FARP1: variants seen among roughly 807,000 people sequenced by gnomAD.
FARP1 encodes FERM, ARHGEF and pleckstrin domain-containing protein 1.
A neutral mutation model predicts 128.8 loss-of-function variants in FARP1; 52 were observed. That is an observed-to-expected ratio of 0.40 (90% CI 0.32 to 0.51). The LOEUF (loss-of-function observed/expected upper bound fraction) is 0.51. Ranked by LOEUF, FARP1 falls within the 20% of genes least tolerant of loss-of-function variation. The probability of loss-of-function intolerance (pLI) is 0.45; values close to 1 mark genes in which losing one functional copy is unlikely to be tolerated. For synonymous variants in FARP1, 580 were observed against 551.8 expected (o/e 1.05, Z -0.72); for missense variants, 1,333 against 1,367.9 (o/e 0.97, Z 0.40).
At chr13:98,185,644 T>C (rs1035853797) in intron 1 of FARP1, among the ~76,000 whole-genome samples, 32 of 96,926 alleles carry the variant, frequency 3.3e-4, no homozygotes, top group African/African-American at 9.9e-4. Context: ...TTCTGATAAT[T>C]AGTTTTTTTT....
At chr13:98,421,781 A>G (rs1891603355) in intron 16 of FARP1, among the ~76,000 whole-genome samples, 1 of 152,056 alleles carries the variant, frequency 6.6e-6, no homozygotes, top group South Asian at 2.1e-4. Flanking sequence ...TGAGACCAGG[A>G]GTTGGAGGCT....
chr13:98,312,593 C>A (rs998502192), intron 2 of FARP1, among the ~76,000 whole-genome samples: 3 of 152,110 alleles, frequency 2.0e-5, no homozygotes, highest in African/African-American at 7.2e-5. Flanking sequence ...CTTCCCCCCC[C>A]ACCGGAAAAG....
At chr13:98,447,848 A>G (rs1285834030) in intron 26 of FARP1, 1 of 206,918 alleles carries the variant, frequency 4.8e-6, no homozygotes, top group Non-Finnish European at 9.8e-6. Flanking sequence ...CTGTCTCAAA[A>G]AAAAAAGAAA....
At chr13:98,356,308 G>A (rs1888638962) in intron 3 of FARP1, among the ~76,000 whole-genome samples, 1 of 152,072 alleles carries the variant, frequency 6.6e-6, no homozygotes, top group Non-Finnish European at 1.5e-5. Flanking sequence ...ACAAACAGGT[G>A]GTGTAAGTAC....
intron 1 of FARP1, among the ~76,000 whole-genome samples, chr13:98,209,128 C>G (rs1223574025): frequency 6.6e-6 from 1 of 152,176 alleles, no homozygotes; most frequent in Non-Finnish European, 1.5e-5. Flanking sequence ...CCTGCCTCAG[C>G]CTCCCGAGTA....
chr13:98,436,776 C>T (rs1490031746), intron 19 of FARP1, among the ~76,000 whole-genome samples: 1 of 152,216 alleles, frequency 6.6e-6, no homozygotes, highest in African/African-American at 2.4e-5. Context: ...GGCCTCGGCA[C>T]TTAATGACCT....
chr13:98,153,387 TAAA>T lies in FARP1; in HGVS notation c.-24+9896_-24+9898del, dbSNP rs1457375078. ...AAATATGTTATATATAAATATATAA[TAAA>T]TAATACATTATATATAAATATGTAT... On this transcript the variant is annotated intron_variant, in intron 1 of 26. Coordinates refer to ENST00000319562, the MANE Select transcript of FARP1 (RefSeq NM_005766.4). 2.5e-5 allele frequency among the ~76,000 whole-genome samples: 3 copies of T among 119,976 alleles called. No homozygotes were observed. The Admixed American group carries it at 3.3e-4, about 13-fold the overall frequency. 78.7% of individuals were successfully genotyped at this position (119,976 alleles called of 152,430 possible).
intron 2 of FARP1, among the ~76,000 whole-genome samples, chr13:98,337,128 A>G (rs1369352927): frequency 2.0e-5 from 3 of 152,170 alleles, no homozygotes; most frequent in Non-Finnish European, 4.4e-5. Flanking sequence ...GCACTTTGGG[A>G]GGCCGAGGCA....
chr13:98,367,493 T>C (rs1240957584), intron 4 of FARP1, among the ~76,000 whole-genome samples: 2 of 151,918 alleles, frequency 1.3e-5, no homozygotes, highest in Non-Finnish European at 1.5e-5. Flanking sequence ...TTCTTTCTTT[T>C]TTTTTTTTTA....
chr13:98,155,536 T>G (rs1251409267), intron 1 of FARP1, among the ~76,000 whole-genome samples: 1 of 151,970 alleles, frequency 6.6e-6, no homozygotes, highest in South Asian at 2.1e-4. Flanking sequence ...ACTTATTTAT[T>G]TTTGAGACAG....
At chr13:98,444,870 C>G (rs1436205695) in intron 24 of FARP1, among the ~76,000 whole-genome samples, 2 of 152,228 alleles carry the variant, frequency 1.3e-5, no homozygotes, top group African/African-American at 4.8e-5. Context: ...CAAGATGCCG[C>G]ATGGGCATCA....
rs369655081 is a variant in FARP1, at chr13:98,385,661, T to C, written c.612-6T>C. The C allele has an allele frequency of 6.2e-7, 1 of 1,614,160 alleles. No individual in the cohort carries two copies. Among genetic ancestry groups the C allele is most frequent in the African/African-American group, 1.3e-5 (1 of 75,052 alleles). ...TGGCCTTTCTGTTTAATTTTTGTTT[T>C]GTCAGTGGACAAACACCAGCAGAAT... On this transcript the variant is annotated splice_region_variant and splice_polypyrimidine_tract_variant and intron_variant, in intron 7 of 26. Coordinates refer to ENST00000319562, the MANE Select transcript of FARP1 (RefSeq NM_005766.4).
chr13:98,246,233 C>T (rs1883054521), intron 2 of FARP1, among the ~76,000 whole-genome samples: 1 of 150,126 alleles, frequency 6.7e-6, no homozygotes, highest in African/African-American at 2.5e-5. Flanking sequence ...GTAGCTAGGA[C>T]TACAGGCGCC....
chr13:98,292,590 C>T (rs767154496), intron 2 of FARP1, among the ~76,000 whole-genome samples: 1 of 152,206 alleles, frequency 6.6e-6, no homozygotes, highest in Non-Finnish European at 1.5e-5. Context: ...GCTCATTAGC[C>T]ATCTGTGGCC....
intron 1 of FARP1, among the ~76,000 whole-genome samples, chr13:98,151,660 C>CTTTTTTTTTTTTTTG (rs1876011586): frequency 1.4e-5 from 1 of 69,224 alleles, no homozygotes; most frequent in Non-Finnish European, 2.8e-5. Flanking sequence ...TATCTTCCAT[C>CTTTTTTTTTTTTTTG]TTTTTTTTTT....
At chr13:98,165,705 A>T (rs1438053697) in intron 1 of FARP1, among the ~76,000 whole-genome samples, 2 of 121,012 alleles carry the variant, frequency 1.7e-5, no homozygotes, top group African/African-American at 6.0e-5. Flanking sequence ...ACCCTTCCAG[A>T]AGGGGTTTTT....
At position 98,176,482 on chromosome 13, in the gene FARP1, A is replaced by T; in HGVS notation, c.-24+32990A>T. 1 of 1,614,130 alleles carries T rather than the reference A, an allele frequency of 6.2e-7. No homozygotes were observed. Among genetic ancestry groups the T allele is most frequent in the South Asian group, 1.1e-5 (1 of 91,086 alleles). On this transcript the variant is annotated intron_variant, in intron 1 of 26. Coordinates refer to ENST00000319562, the MANE Select transcript of FARP1 (RefSeq NM_005766.4). The surrounding 1 kb of genome is among the most constrained non-coding windows in gnomAD (Gnocchi z 6.2). ...GCGACATATGAAACACCTGAATGGT[A>T]TTTCCTCTTCCTCGCTTCCCACTTC...
At chr13:98,214,116 G>A (rs988716837) in intron 2 of FARP1, among the ~76,000 whole-genome samples, 4 of 152,218 alleles carry the variant, frequency 2.6e-5, no homozygotes, top group African/African-American at 9.6e-5. Context: ...TGGAGCCGCT[G>A]GAACCTCTGG....
At chr13:98,376,848 T>C (rs1889608656) in intron 5 of FARP1, among the ~76,000 whole-genome samples, 3 of 151,426 alleles carry the variant, frequency 2.0e-5, no homozygotes, top group African/African-American at 4.9e-5. Context: ...TGAGATGATA[T>C]CTCATTATAA....
Sources: gnomAD v4.1 joint callset for allele counts (sites outside exome capture counted in the v4.1 genomes callset) on GRCh38, gnomAD v4.1.1 for gene constraint, Gnocchi (gnomAD v3.1) non-coding constraint, MANE v1.5 for transcripts, NCBI Gene and HGNC (gene_info 2026-07-23, HGNC 2026-07-21) for gene names.